The following SH3BP5 variants were observed in gnomAD, a reference collection of about 807,000 sequenced individuals.
The protein encoded by SH3BP5 is SH3 domain-binding protein 5.
A neutral mutation model predicts 43.3 loss-of-function variants in SH3BP5; 22 were observed. The ratio of observed to expected loss-of-function variants is 0.51; its 90% CI spans 0.36 to 0.73. SH3BP5 has a LOEUF of 0.73. Ranked by LOEUF, SH3BP5 falls within the 30% of genes least tolerant of loss-of-function variation. SH3BP5 has a pLI of 0.00. For synonymous variants in SH3BP5, 255 were observed against 225.8 expected (o/e 1.13, Z -1.16); for missense variants, 529 against 586.9 (o/e 0.90, Z 1.02).
At chr3:15,332,672 C>T, upstream of SH3BP5, 1 of 1,144,750 alleles carries the variant, frequency 8.7e-7, no homozygotes, top group Non-Finnish European at 1.1e-6. Flanking sequence ...TCGCGTTCCG[C>T]CGCCAGTCCC....
At chr3:15,279,616 C>T (rs190619749) in intron 3 of SH3BP5, among the ~76,000 whole-genome samples, 1 of 152,170 alleles carries the variant, frequency 6.6e-6, no homozygotes, top group Admixed American at 6.5e-5. Context: ...ACAGGATTGC[C>T]CCAAGGTTGG....
upstream of SH3BP5, among the ~76,000 whole-genome samples, chr3:15,335,037 C>T (rs1698684436): frequency 6.6e-6 from 1 of 151,772 alleles, no homozygotes; most frequent in South Asian, 2.1e-4. Flanking sequence ...CTTTGGGAGG[C>T]CGAGGCAGGA....
chr3:15,316,039 A>T (rs2688663), intron 2 of SH3BP5, among the ~76,000 whole-genome samples: 124,075 of 151,992 alleles, frequency 0.82, 50,974 homozygotes, highest in African/African-American at 0.9. Context: ...GTCCCACTAA[A>T]TTCTTTTATA....
At position 15,330,325 on chromosome 3, in the gene SH3BP5, A is replaced by G. The variant is rs146638636; in HGVS notation, c.201+179T>C. On this transcript the variant is annotated intron_variant, in intron 2 of 8. Transcript: ENST00000383791. ...AAACAACATGTGCAATTGGATCCAC[A>G]TGCGTTCCGCCCACAGGTTGAGCTC... Among the ~76,000 whole-genome samples, 218 of 152,356 alleles carry G rather than the reference A, an allele frequency of 1.4e-3. 1 individual carries two copies. Among genetic ancestry groups the G allele is most frequent in the African/African-American group, 4.7e-3 (196 of 41,590 alleles).
intron 3 of SH3BP5, among the ~76,000 whole-genome samples, chr3:15,298,131 C>G (rs1251938198): frequency 1.3e-5 from 2 of 152,070 alleles, no homozygotes; most frequent in Non-Finnish European, 2.9e-5. Context: ...CATGCACCAT[C>G]ATGCCTGGCT....
intron 2 of SH3BP5, among the ~76,000 whole-genome samples, chr3:15,310,252 TGAAAGCCTGCAGCAGATA>T (rs1348458791): frequency 1.3e-5 from 2 of 152,198 alleles, no homozygotes; most frequent in Non-Finnish European, 1.5e-5. Context: ...GAGGATGGAA[TGAAAGCCTGCAGCAGATA>T]GCAGCCATCC....
intron 1 of SH3BP5, among the ~76,000 whole-genome samples, chr3:15,339,279 G>T (rs921414224): frequency 6.6e-6 from 1 of 152,004 alleles, no homozygotes; most frequent in Non-Finnish European, 1.5e-5. Flanking sequence ...AATTAAACTT[G>T]TCTCTTGACC....
chr3:15,330,762 T>C (rs765165159), intron 1 of SH3BP5, 196 bp from the exon 2 acceptor site: 80 of 985,154 alleles, frequency 8.1e-5, no homozygotes, highest in Non-Finnish European at 9.5e-5. Flanking sequence ...AACCATTTTC[T>C]TGAGGGTGTC....
At chr3:15,317,341 G>C (rs940117460) in intron 2 of SH3BP5, among the ~76,000 whole-genome samples, 16 of 152,316 alleles carry the variant, frequency 1.1e-4, no homozygotes, top group African/African-American at 3.4e-4. Context: ...TTCCAGGCAG[G>C]CTGGCTGGCT....
intron 3 of SH3BP5, among the ~76,000 whole-genome samples, chr3:15,294,939 G>C (rs973365637): frequency 2.6e-5 from 4 of 152,034 alleles, no homozygotes; most frequent in Non-Finnish European, 5.9e-5. Context: ...CCTTACCCAA[G>C]TTCATATCTG....
intron 1 of SH3BP5, among the ~76,000 whole-genome samples, chr3:15,338,430 C>G (rs1698727268): frequency 6.6e-6 from 1 of 152,242 alleles, no homozygotes; most frequent in Non-Finnish European, 1.5e-5. Flanking sequence ...AAGAATGAAT[C>G]TGCATTCACA....
intron 3 of SH3BP5, among the ~76,000 whole-genome samples, chr3:15,291,221 G>A (rs1336466401): frequency 6.6e-6 from 1 of 152,202 alleles, no homozygotes; most frequent in Non-Finnish European, 1.5e-5. Context: ...TCTCCTGTCT[G>A]TGTTCACTTG....
intron 3 of SH3BP5, among the ~76,000 whole-genome samples, chr3:15,278,603 A>C (rs189130623): frequency 6.6e-6 from 1 of 152,310 alleles, no homozygotes; most frequent in East Asian, 1.9e-4. Context: ...TTTTAATCCA[A>C]ATTATCTCAG....
At chr3:15,321,958 A>G (rs886614556) in intron 2 of SH3BP5, among the ~76,000 whole-genome samples, 17 of 152,178 alleles carry the variant, frequency 1.1e-4, no homozygotes, top group African/African-American at 4.1e-4. Flanking sequence ...TAATCCCAGT[A>G]CTTTGGGAGG....
chr3:15,295,885 C>T (rs1697554324), intron 3 of SH3BP5, among the ~76,000 whole-genome samples: 1 of 152,142 alleles, frequency 6.6e-6, no homozygotes. Context: ...GTCACATCAC[C>T]CAGAGTCAGG....
intron 2 of SH3BP5, among the ~76,000 whole-genome samples, chr3:15,320,605 AACACACACAC>A (rs376414934): frequency 3.9e-5 from 5 of 126,952 alleles, no homozygotes; most frequent in African/African-American, 1.5e-4. Flanking sequence ...ATCCAGCCAA[AACACACACAC>A]ACACACACAC....
In SH3BP5 at chr3:15,324,241, C is replaced by A. The variant is rs1043797697; in HGVS notation, c.201+6263G>T. Among the ~76,000 whole-genome samples the A allele has an allele frequency of 3.9e-5, 6 of 152,340 alleles. No homozygotes were observed. In the South Asian group the frequency reaches 1.2e-3, roughly 32 times the overall value. On this transcript the variant is annotated intron_variant, in intron 2 of 8. Coordinates refer to ENST00000383791, the MANE Select transcript of SH3BP5 (RefSeq NM_004844.5). ...ATCTCTTCAGACTATCTGGGGTCTG[C>A]AGGCCTCAACTCTGATGCCCCCTAT...
chr3:15,263,819 CCT>C (rs1203257674), intron 4 of SH3BP5, among the ~76,000 whole-genome samples: 19 of 152,186 alleles, frequency 1.2e-4, no homozygotes, highest in Admixed American at 1.2e-3. Flanking sequence ...GATTTCTTTC[CCT>C]GTCTTCTGCC....
At chr3:15,325,382 G>A (rs1698434250) in intron 2 of SH3BP5, among the ~76,000 whole-genome samples, 1 of 152,132 alleles carries the variant, frequency 6.6e-6, no homozygotes, top group Admixed American at 6.5e-5. Flanking sequence ...AGGCCCCCTT[G>A]CTGGCCCTCA....
Sources: gnomAD v4.1 joint callset for allele counts (sites outside exome capture counted in the v4.1 genomes callset) on GRCh38, gnomAD v4.1.1 for gene constraint, MANE v1.5 for transcripts, NCBI Gene and HGNC (gene_info 2026-07-23, HGNC 2026-07-21) for gene names.